Variants in HRG observed in about 807,000 individuals in gnomAD.
The protein encoded by HRG is histidine-rich glycoprotein.
HRG carries 26 observed loss-of-function variants against 29.5 expected under a neutral mutation model. The observed-to-expected ratio is 0.88, with a 90% confidence interval of 0.65 to 1.22. HRG has a LOEUF of 1.22. Among genes scored for constraint, HRG ranks in the 50% most tolerant of loss-of-function variants. The pLI is 0.00. For synonymous variants in HRG, 243 were observed against 240.4 expected (o/e 1.01, Z -0.10); for missense variants, 671 against 654.5 (o/e 1.03, Z -0.28).
Position 186,677,850 on chromosome 3 carries a change from T to C in HRG, c.1545T>C (p.Val515=). The C allele has an allele frequency of 6.2e-7, 1 of 1,614,134 alleles. No homozygotes were observed. The highest frequency in any genetic ancestry group is 8.5e-7 in the Non-Finnish European group (1 of 1,179,950). Residue 515 remains valine, a synonymous_variant, in exon 7 of 7, where the codon GTT becomes GTC. Transcript: ENST00000232003. Reference sequence around the variant, plus strand: ...AGTTCAAGAGTGGGTTTCCACAAGTTTCCATGTTTTTTACACATACATTTC... The same window carrying C: ...AGTTCAAGAGTGGGTTTCCACAAGTCTCCATGTTTTTTACACATACATTTC... The part of the protein sequence containing the change: ...PGKFKSGFPQ[V]SMFFTHTFPK
At chr3:186,669,804 A>G (rs1313659111) in intron 2 of HRG, 134 bp from the exon 3 acceptor site, 8 of 715,034 alleles carry the variant, frequency 1.1e-5, no homozygotes, top group Admixed American at 3.9e-5. Flanking sequence ...GTTTGAGACA[A>G]GCTTTGATGA....
intron 2 of HRG, 124 bp downstream of exon 2, chr3:186,669,175 T>A: frequency 1.3e-6 from 1 of 768,826 alleles, no homozygotes; most frequent in Non-Finnish European, 2.4e-6. Context: ...TTGAGATTCA[T>A]GAAGATGATG....
In HRG at chr3:186,671,730, G is replaced by C. The variant is rs748061967; in HGVS notation, c.499G>C (p.Glu167Gln). 1 of 1,613,938 alleles carries C rather than the reference G, an allele frequency of 6.2e-7. No homozygotes were observed. Among genetic ancestry groups the C allele is most frequent in the African/African-American group, 1.3e-5 (1 of 74,914 alleles). ...CAACAAAGCCCTTGAGAAGTACAAAGAGGAGAATGATGACTTTGCCTCTTT... is the reference window on the plus strand; with the variant it reads ...CAACAAAGCCCTTGAGAAGTACAAACAGGAGAATGATGACTTTGCCTCTTT... ...QANKALEKYK[E>Q]ENDDFASFRV... Residue 167 changes from glutamate to glutamine, a missense_variant, in exon 4 of 7, where the codon GAG becomes CAG. Physicochemically the swap from Glu to Gln is conservative, Grantham distance 29. Coordinates refer to ENST00000232003, the MANE Select transcript of HRG (RefSeq NM_000412.5).
At chr3:186,669,635 G>A (rs1718723203) in intron 2 of HRG, 1 of 424,946 alleles carries the variant, frequency 2.4e-6, no homozygotes, top group African/African-American at 2.0e-5. Context: ...TTCATTTCCA[G>A]AAAATGAGAG....
At position 186,677,197 on chromosome 3, in the gene HRG, C is replaced by T; in HGVS notation, c.892C>T (p.Pro298Ser). Residue 298 changes from proline to serine, a missense_variant, in exon 7 of 7, where the codon CCA becomes TCA. Coordinates refer to ENST00000232003, the MANE Select transcript of HRG (RefSeq NM_000412.5). ...HPHKPHEHGP[P>S]PPPDERDHSH... ...CCACAAGCCACACGAACATGGACCC[C>T]CACCTCCTCCAGATGAAAGAGATCA... 1 of 1,614,034 alleles carries T rather than the reference C, an allele frequency of 6.2e-7. No individual in the cohort carries two copies. The highest frequency in any genetic ancestry group is 8.5e-7 in the Non-Finnish European group (1 of 1,179,990).
Position 186,666,081 on chromosome 3 carries a change from G to A in HRG, c.50G>A (p.Cys17Tyr). The A allele has an allele frequency of 1.9e-6, 3 of 1,614,220 alleles. No homozygotes were observed. Among genetic ancestry groups the A allele is most frequent in the Non-Finnish European group, 2.5e-6 (3 of 1,180,036 alleles). ...CTTTTGATCACATTGCAGTATTCGT[G>A]TGCCGTGAGTCCCACTGACTGCAGT... The part of the protein sequence containing the change: ...ALLLITLQYS[C>Y]AVSPTDCSAV... The change falls in exon 1 of 7, where the codon TGT (cysteine) becomes TAT (tyrosine). Residue 17 changes from cysteine to tyrosine, a missense_variant. Cys to Tyr is a radical substitution (Grantham distance 194, BLOSUM62 -2). Transcript: ENST00000232003.
Position 186,675,304 on chromosome 3 carries a change from TGTGTGA to T in HRG, c.741+116_741+121del, listed in dbSNP as rs796628092. The T allele has an allele frequency of 2.1e-3, 1,005 of 487,766 alleles. 4 individuals carry two copies. Among genetic ancestry groups the T allele is most frequent in the East Asian group, 0.015 (310 of 20,556 alleles). The allele number at this position is 487,766 out of a possible 1,614,324, so 30.2% of individuals were successfully genotyped here. A position where few individuals can be genotyped will look rare whatever the true frequency, so the allele number is the denominator to read the frequency against. ...GAGTGGGTGTGTGTGTGTGTGTGTG[TGTGTGA>T]GAGAGAGAGAGAGAGAGAGAGACAG... On this transcript the variant is annotated intron_variant, in intron 6 of 6. Coordinates refer to ENST00000232003, the MANE Select transcript of HRG (RefSeq NM_000412.5).
chr3:186,667,102 CTG>C (rs1373346188), intron 1 of HRG: 1 of 152,152 alleles, frequency 6.6e-6, no homozygotes, highest in East Asian at 1.9e-4. Context: ...GAGTCATAGA[CTG>C]AAAGAAGGAC....
intron 5 of HRG, chr3:186,674,119 T>A (rs1718892914): frequency 6.6e-6 from 1 of 152,184 alleles, no homozygotes. Context: ...CATCCATTAG[T>A]ACCTTTGTTA....
Position 186,677,187 on chromosome 3 carries a change from A to T in HRG, c.882A>T (p.Glu294Asp). 3 of 1,613,924 alleles carry T rather than the reference A, an allele frequency of 1.9e-6. No individual in the cohort carries two copies. Among genetic ancestry groups the T allele is most frequent in the Non-Finnish European group, 2.5e-6 (3 of 1,179,962 alleles). Reference protein sequence around the residue: ...RDHHHPHKPHEHGPPPPPDER... With the variant: ...RDHHHPHKPHDHGPPPPPDER... ...ATCATCATCCCCACAAGCCACACGA[A>T]CATGGACCCCCACCTCCTCCAGATG... is the stretch of plus-strand genomic sequence containing the variant. Residue 294 changes from glutamate (E) to aspartate (D), a missense_variant, in exon 7 of 7, where the codon GAA (glutamate) becomes GAT (aspartate). Transcript: ENST00000232003.
At position 186,671,729 on chromosome 3, in the gene HRG, A is replaced by G; in HGVS notation, c.498A>G (p.Lys166=). The G allele has an allele frequency of 6.2e-7, 1 of 1,614,062 alleles. No individual in the cohort carries two copies. The highest frequency in any genetic ancestry group is 8.5e-7 in the Non-Finnish European group (1 of 1,179,942). The part of the protein sequence containing the change: ...KQANKALEKY[K]EENDDFASFR... Reference sequence around the variant, plus strand: ...CCAACAAAGCCCTTGAGAAGTACAAAGAGGAGAATGATGACTTTGCCTCTT... The same window carrying G: ...CCAACAAAGCCCTTGAGAAGTACAAGGAGGAGAATGATGACTTTGCCTCTT... Residue 166 remains lysine, a synonymous_variant, in exon 4 of 7, where the codon AAA becomes AAG. Coordinates refer to ENST00000232003, the MANE Select transcript of HRG (RefSeq NM_000412.5).
chr3:186,668,391 G>A (rs1328594234), intron 1 of HRG, among the ~76,000 whole-genome samples: 1 of 152,144 alleles, frequency 6.6e-6, no homozygotes, highest in Non-Finnish European at 1.5e-5. Context: ...GCAAAAGCAA[G>A]GACAAGGAAA....
chr3:186,677,290 C>G lies in HRG; in HGVS notation c.985C>G (p.His329Asp). Residue 329 changes from histidine (H) to aspartate (D), a missense_variant, in exon 7 of 7, where the codon CAT becomes GAT. Transcript: ENST00000232003. ...LLPMSCSSCQ[H>D]ATFGTNGAQR... ...GCCCATGTCCTGCTCAAGTTGTCAA[C>G]ATGCCACTTTTGGCACAAATGGGGC... is the stretch of plus-strand genomic sequence containing the variant. 2.5e-6 allele frequency: 4 copies of G among 1,614,158 alleles called. No homozygotes were observed. Among genetic ancestry groups the G allele is most frequent in the Non-Finnish European group, 3.4e-6 (4 of 1,180,024 alleles).
intron 3 of HRG, among the ~76,000 whole-genome samples, chr3:186,670,704 C>T (rs1718759245): frequency 6.6e-6 from 1 of 152,040 alleles, no homozygotes; most frequent in Admixed American, 6.6e-5. Context: ...TATGCCACCA[C>T]ATCCAACAAA....
chr3:186,675,031 G>C, intron 5 of HRG, 58 bp from the exon 6 acceptor site: 4 of 1,115,354 alleles, frequency 3.6e-6, no homozygotes, highest in Non-Finnish European at 5.5e-6. Context: ...GCTAACTCTG[G>C]CTGGTCATCT....
At chr3:186,667,456 C>T (rs932089231) in intron 1 of HRG, among the ~76,000 whole-genome samples, 1 of 152,086 alleles carries the variant, frequency 6.6e-6, no homozygotes, top group Non-Finnish European at 1.5e-5. Flanking sequence ...TGAGGCCCTT[C>T]CCATTTTCTT....
intron 5 of HRG, 21 bp downstream of exon 5, chr3:186,672,888 T>C: frequency 6.7e-7 from 1 of 1,496,726 alleles, no homozygotes; most frequent in Non-Finnish European, 9.3e-7. Context: ...GAAATGTCTG[T>C]GATCGTTGAC....
chr3:186,672,775 C>T lies in HRG; in HGVS notation c.559-12C>T. The T allele has an allele frequency of 6.4e-7, 1 of 1,572,528 alleles. No individual in the cohort carries two copies. The highest frequency in any genetic ancestry group is 8.8e-7 in the Non-Finnish European group (1 of 1,142,466). ...TCTGTTCTTGAAACTATTTTGATCC[C>T]ATCTGTTCTAGAGAGGAGGGGAAGG... On this transcript the variant is annotated splice_polypyrimidine_tract_variant and intron_variant, in intron 4 of 6. Coordinates refer to ENST00000232003, the MANE Select transcript of HRG (RefSeq NM_000412.5).
chr3:186,675,830 A>G (rs115043810), intron 6 of HRG, among the ~76,000 whole-genome samples: 1,841 of 151,278 alleles, frequency 0.012, 17 homozygotes, highest in Non-Finnish European at 0.019. Flanking sequence ...AAAAAGGAAC[A>G]AAGGGCAGGA....
Sources: allele counts gnomAD v4.1 joint callset (sites outside exome capture counted in the v4.1 genomes callset), GRCh38; gene constraint gnomAD v4.1.1; transcripts MANE v1.5; gene names NCBI Gene and HGNC (gene_info 2026-07-23, HGNC 2026-07-21).